Variants in KCNQ5 observed in about 807,000 individuals in gnomAD.
KCNQ5 encodes the protein potassium voltage-gated channel subfamily KQT member 5.
Under a neutral mutation model 98.2 loss-of-function variants are expected in KCNQ5, and 30 were observed. The observed-to-expected ratio is 0.31, with a 90% CI of 0.23 to 0.41. The LOEUF is 0.41. KCNQ5 is among the 10% of genes least tolerant of loss of function. The pLI, the probability that KCNQ5 is intolerant of heterozygous loss-of-function variation, is 1.00. For missense variants in KCNQ5, 835 were observed against 1,182.5 expected (o/e 0.71, Z 4.31); for synonymous variants, 458 against 449.4 (o/e 1.02, Z -0.24).
intron 1 of KCNQ5, among the ~76,000 whole-genome samples, chr6:72,886,515 TA>T (rs1486703175): frequency 6.6e-6 from 1 of 152,084 alleles, no homozygotes; most frequent in African/African-American, 2.4e-5. Context: ...GAAAAGGAAA[TA>T]TTTTAGAATA....
intron 5 of KCNQ5, among the ~76,000 whole-genome samples, chr6:73,087,485 G>T (rs924272720): frequency 4.6e-5 from 7 of 152,188 alleles, no homozygotes; most frequent in Non-Finnish European, 8.8e-5. Flanking sequence ...GTCAACTGCA[G>T]ATATGTGAAT....
chr6:72,658,579 T>TATATATATA (rs34408725), intron 1 of KCNQ5, among the ~76,000 whole-genome samples: 7 of 69,636 alleles, frequency 1.0e-4, no homozygotes, highest in African/African-American at 4.0e-4. Flanking sequence ...TATATATATA[T>TATATATATA]TTTTTTTTTT....
At chr6:72,624,716 A>G (rs369101952) in intron 1 of KCNQ5, among the ~76,000 whole-genome samples, 1 of 152,360 alleles carries the variant, frequency 6.6e-6, no homozygotes, top group East Asian at 1.9e-4. Flanking sequence ...TTGATTATAC[A>G]TTTTAGAGTC....
intron 1 of KCNQ5, among the ~76,000 whole-genome samples, chr6:72,915,922 T>C (rs1375343447): frequency 1.3e-5 from 2 of 152,188 alleles, no homozygotes; most frequent in Non-Finnish European, 2.9e-5. Context: ...CTAAAAATCA[T>C]AATCAGTACC....
chr6:72,756,864 G>A (rs957145088), intron 1 of KCNQ5, among the ~76,000 whole-genome samples: 1 of 151,682 alleles, frequency 6.6e-6, no homozygotes, highest in African/African-American at 2.4e-5. Flanking sequence ...ATACTTGATC[G>A]AAGTAAATGC....
chr6:72,909,668 A>G (rs1779844668), intron 1 of KCNQ5, among the ~76,000 whole-genome samples: 2 of 152,196 alleles, frequency 1.3e-5, no homozygotes, highest in African/African-American at 4.8e-5. Context: ...GGAAGCAACA[A>G]TGTTCAAAGA....
chr6:72,879,305 AT>A (rs1407959718), intron 1 of KCNQ5, among the ~76,000 whole-genome samples: 1 of 152,024 alleles, frequency 6.6e-6, no homozygotes, highest in Non-Finnish European at 1.5e-5. Flanking sequence ...AAATGTTTTA[AT>A]TTTTTGCCAC....
intron 1 of KCNQ5, among the ~76,000 whole-genome samples, chr6:72,800,482 C>T (rs1281448982): frequency 6.6e-6 from 1 of 152,098 alleles, no homozygotes; most frequent in Non-Finnish European, 1.5e-5. Context: ...TCCCCTTTAT[C>T]AGTTTTTATT....
intron 1 of KCNQ5, among the ~76,000 whole-genome samples, chr6:72,841,981 G>T (rs1477838769): frequency 6.6e-6 from 1 of 152,132 alleles, no homozygotes; most frequent in Non-Finnish European, 1.5e-5. Flanking sequence ...ATTGTCTGTT[G>T]CTTAATGCAC....
chr6:73,141,230 G>A (rs1389558549), intron 10 of KCNQ5, among the ~76,000 whole-genome samples: 1 of 152,124 alleles, frequency 6.6e-6, no homozygotes, highest in Non-Finnish European at 1.5e-5. Flanking sequence ...CTCTTTATGA[G>A]GGCACTAATC....
rs551454306 is a variant in KCNQ5 at position 72,652,076 on chromosome 6, C to T, written c.398+29489C>T. On this transcript the variant is annotated intron_variant, in intron 1 of 13. Transcript: ENST00000370398. ...TCTCCTGTCTCAATGCTCACACTTA[C>T]ACTCACTTTAAAAAATTTTTATCTT... 5.9e-5 allele frequency among the ~76,000 whole-genome samples: 9 copies of T among 152,048 alleles called. No individual in the cohort carries two copies. In the South Asian group the frequency reaches 1.9e-3, roughly 32 times the overall value.
chr6:72,804,991 T>G (rs1774876145), intron 1 of KCNQ5, among the ~76,000 whole-genome samples: 1 of 152,142 alleles, frequency 6.6e-6, no homozygotes, highest in South Asian at 2.1e-4. Context: ...TTCAGATTTT[T>G]GCCCGTTTTA....
chr6:73,028,125 A>G (rs1276153026), intron 2 of KCNQ5, among the ~76,000 whole-genome samples: 1 of 152,156 alleles, frequency 6.6e-6, no homozygotes, highest in East Asian at 1.9e-4. Flanking sequence ...ACTCTTTATT[A>G]TGGGGGAAAA....
chr6:73,121,318 A>G (rs921347040), intron 8 of KCNQ5, among the ~76,000 whole-genome samples: 5 of 151,618 alleles, frequency 3.3e-5, no homozygotes, highest in African/African-American at 9.7e-5. Flanking sequence ...CCTAATGATT[A>G]CCACAGAGAT....
intron 3 of KCNQ5, among the ~76,000 whole-genome samples, chr6:73,072,714 A>G (rs1259254741): frequency 1.3e-5 from 2 of 152,220 alleles, no homozygotes; most frequent in African/African-American, 4.8e-5. Flanking sequence ...TCAAGAATTC[A>G]TGTGTAAATC....
At chr6:73,138,399 G>A (rs1489596918) in intron 10 of KCNQ5, among the ~76,000 whole-genome samples, 3 of 152,176 alleles carry the variant, frequency 2.0e-5, no homozygotes, top group African/African-American at 7.2e-5. Flanking sequence ...GAACCCCACT[G>A]CATTTGGGAG....
chr6:72,712,758 T>TTCACTC (rs1315462338), intron 1 of KCNQ5, among the ~76,000 whole-genome samples: 1 of 152,216 alleles, frequency 6.6e-6, no homozygotes, highest in Non-Finnish European at 1.5e-5. Context: ...CTCCTGTTAC[T>TTCACTC]TCACTCTGTA....
At chr6:72,807,104 T>C (rs546159117) in intron 1 of KCNQ5, among the ~76,000 whole-genome samples, 1 of 152,142 alleles carries the variant, frequency 6.6e-6, no homozygotes, top group African/African-American at 2.4e-5. Flanking sequence ...TTTATTTTGA[T>C]GTCAGGAAGC....
intron 1 of KCNQ5, among the ~76,000 whole-genome samples, chr6:72,664,896 T>C (rs1433085587): frequency 6.6e-6 from 1 of 152,190 alleles, no homozygotes; most frequent in Non-Finnish European, 1.5e-5. Flanking sequence ...TTAAATGTAA[T>C]TGTCATTAAT....
Sources: allele counts gnomAD v4.1 joint callset (sites outside exome capture counted in the v4.1 genomes callset), GRCh38; gene constraint gnomAD v4.1.1; transcripts MANE v1.5; gene names NCBI Gene and HGNC (gene_info 2026-07-23, HGNC 2026-07-21).